MCMDC2: variants seen among roughly 807,000 people sequenced by gnomAD.
MCMDC2 encodes the protein minichromosome maintenance domain containing 2.
Under a neutral mutation model 75.8 loss-of-function variants are expected in MCMDC2, and 54 were observed. The observed-to-expected ratio is 0.71, with a 90% CI of 0.57 to 0.89. The LOEUF is 0.89. Among genes scored for constraint, MCMDC2 ranks in the 40% least tolerant of loss-of-function variants. The probability of loss-of-function intolerance (pLI) is 0.00; values close to 1 mark genes in which losing one functional copy is unlikely to be tolerated. For synonymous variants in MCMDC2, 249 were observed against 274.6 expected (o/e 0.91, Z 0.92); for missense variants, 656 against 780.4 (o/e 0.84, Z 1.90).
At chr8:66,903,958 C>T (rs796408180) in intron 13 of MCMDC2, among the ~76,000 whole-genome samples, 19 of 152,186 alleles carry the variant, frequency 1.2e-4, no homozygotes, top group African/African-American at 4.6e-4. Context: ...CTGTTAGATG[C>T]CCAGACTCCC....
Position 66,890,869 on chromosome 8 carries a change from C to T in MCMDC2, c.1078C>T (p.Leu360=). The change falls in exon 10 of 15, where the codon CTG becomes TTG. Residue 360 remains leucine, a synonymous_variant. Coordinates refer to ENST00000422365, the MANE Select transcript of MCMDC2 (RefSeq NM_173518.5). ...AAGTTTATTTTTTTTCCCTAGGCTT[C>T]TGAATTTTAGCATAAACCTTGTCCC... The part of the protein sequence containing the change: ...TSDTLLIDRL[L]NFSINLVPRG... 6.3e-7 allele frequency: 1 copy of T among 1,598,966 alleles called. No homozygotes were observed. Among genetic ancestry groups the T allele is most frequent in the Non-Finnish European group, 8.5e-7 (1 of 1,176,360 alleles).
chr8:66,917,207 T>C (rs976056915), intron 14 of MCMDC2, among the ~76,000 whole-genome samples: 4 of 152,174 alleles, frequency 2.6e-5, no homozygotes, highest in Middle Eastern at 3.4e-3. Context: ...TCTTAAGAGA[T>C]AGTAAGCTTT....
chr8:66,905,281 G>C lies in MCMDC2; in HGVS notation c.1825G>C (p.Glu609Gln), dbSNP rs1812861126. Residue 609 changes from glutamate (E) to glutamine (Q), a missense_variant, in exon 14 of 15, where the codon GAA becomes CAA. Glu to Gln is a conservative substitution (Grantham distance 29, BLOSUM62 2). Coordinates refer to ENST00000422365, the MANE Select transcript of MCMDC2 (RefSeq NM_173518.5). ...GAACTTAAGGAACAAAGTGCTTAAA[G>C]AAGATGTGCTGATTGCAGCCTTACT... ...RLNLRNKVLKEDVLIAALLFE... is the reference protein window; with the variant it reads ...RLNLRNKVLKQDVLIAALLFE... The C allele has an allele frequency of 6.7e-7, 1 of 1,497,710 alleles. No individual in the cohort carries two copies. The highest frequency in any genetic ancestry group is 8.9e-7 in the Non-Finnish European group (1 of 1,120,020). The allele number at this position is 1,497,710 out of a possible 1,614,324, so 92.8% of individuals were successfully genotyped here.
chr8:66,905,193 C>G, intron 13 of MCMDC2, 33 bp from the exon 14 acceptor site: 1 of 1,365,956 alleles, frequency 7.3e-7, no homozygotes, highest in East Asian at 2.9e-5. Context: ...ATAATATCAA[C>G]ATATTTTCTT....
chr8:66,922,223 C>T, downstream of MCMDC2: 1 of 209,490 alleles, frequency 4.8e-6, no homozygotes, highest in Non-Finnish European at 9.9e-6. Flanking sequence ...GAGAATACCA[C>T]ACATGCAAAA....
At chr8:66,875,849 G>C (rs894938480) in intron 4 of MCMDC2, among the ~76,000 whole-genome samples, 1 of 152,056 alleles carries the variant, frequency 6.6e-6, no homozygotes, top group Non-Finnish European at 1.5e-5. Context: ...TTGGTCCTAC[G>C]TTATATAATC....
intron 7 of MCMDC2, among the ~76,000 whole-genome samples, chr8:66,879,842 T>C (rs1811478013): frequency 1.3e-5 from 2 of 152,160 alleles, no homozygotes; most frequent in Non-Finnish European, 2.9e-5. Context: ...TATTATTCTG[T>C]GTGTGTGTCT....
chr8:66,886,917 A>G (rs536166852), intron 9 of MCMDC2, among the ~76,000 whole-genome samples: 82 of 152,296 alleles, frequency 5.4e-4, no homozygotes, highest in African/African-American at 1.7e-3. Context: ...CATTTTAGCC[A>G]TACTAGTGGG....
intron 14 of MCMDC2, among the ~76,000 whole-genome samples, chr8:66,918,324 C>G (rs1813396525): frequency 6.6e-6 from 1 of 152,134 alleles, no homozygotes; most frequent in Non-Finnish European, 1.5e-5. Context: ...GTTGCCTTTT[C>G]ACTGTTGATT....
intron 14 of MCMDC2, among the ~76,000 whole-genome samples, chr8:66,911,480 A>C (rs1813119243): frequency 6.6e-6 from 1 of 152,194 alleles, no homozygotes; most frequent in South Asian, 2.1e-4. Flanking sequence ...TTATAGCAGT[A>C]TGAAAATGGA....
intron 4 of MCMDC2, among the ~76,000 whole-genome samples, chr8:66,875,646 T>C (rs143776107): frequency 0.024 from 3,688 of 152,324 alleles, 74 homozygotes; most frequent in Non-Finnish European, 0.037. Context: ...TCCCTTGGTA[T>C]TATGTAATAT....
intron 8 of MCMDC2, 59 bp from the exon 9 acceptor site, chr8:66,883,698 C>T: frequency 1.1e-6 from 1 of 888,130 alleles, no homozygotes; most frequent in East Asian, 2.5e-5. Flanking sequence ...AGTCAAATAT[C>T]TATAATGTTG....
At chr8:66,922,889 A>G (rs541162358), downstream of MCMDC2, among the ~76,000 whole-genome samples, 16 of 152,294 alleles carry the variant, frequency 1.1e-4, no homozygotes, top group South Asian at 1.0e-3. Context: ...AAGTACTATT[A>G]TTCTATTACC....
At chr8:66,891,824 G>A (rs980692220) in intron 10 of MCMDC2, among the ~76,000 whole-genome samples, 5 of 152,232 alleles carry the variant, frequency 3.3e-5, no homozygotes, top group South Asian at 2.1e-4. Context: ...CACACCAGCC[G>A]CTGTGGCAGG....
chr8:66,922,200 A>G (rs1402621803), downstream of MCMDC2: 1 of 175,704 alleles, frequency 5.7e-6, no homozygotes, highest in Admixed American at 6.1e-5. Flanking sequence ...GTGCCCCTCA[A>G]AAAACTAATG....
chr8:66,918,071 G>T (rs1813386959), intron 14 of MCMDC2, among the ~76,000 whole-genome samples: 1 of 151,306 alleles, frequency 6.6e-6, no homozygotes, highest in Non-Finnish European at 1.5e-5. Flanking sequence ...TTGTCATTTT[G>T]TTTTTTATTT....
chr8:66,883,153 G>A (rs540816170), intron 8 of MCMDC2, among the ~76,000 whole-genome samples: 1 of 151,728 alleles, frequency 6.6e-6, no homozygotes, highest in East Asian at 1.9e-4. Flanking sequence ...GAGGTGGAGA[G>A]TGAGAGGATG....
At chr8:66,899,343 C>T (rs184802779) in intron 12 of MCMDC2, among the ~76,000 whole-genome samples, 2 of 152,180 alleles carry the variant, frequency 1.3e-5, no homozygotes, top group African/African-American at 2.4e-5. Flanking sequence ...GGTGGCTCAT[C>T]ATCATGCCAT....
chr8:66,923,509 C>A (rs1813624861), downstream of MCMDC2, among the ~76,000 whole-genome samples: 1 of 151,698 alleles, frequency 6.6e-6, no homozygotes, highest in Admixed American at 6.6e-5. Flanking sequence ...TTGAATAATT[C>A]AAAAAAAATT....
Sources: gnomAD v4.1 joint callset for allele counts (sites outside exome capture counted in the v4.1 genomes callset) on GRCh38, gnomAD v4.1.1 for gene constraint, MANE v1.5 for transcripts, NCBI Gene and HGNC (gene_info 2026-07-23, HGNC 2026-07-21) for gene names.